Variants in ARMC2 observed in about 807,000 individuals in gnomAD.
The protein encoded by ARMC2 is armadillo repeat-containing protein 2.
ARMC2 carries 67 observed loss-of-function variants against 90.3 expected under a neutral mutation model. The ratio of observed to expected loss-of-function variants is 0.74; its 90% CI spans 0.61 to 0.91. The LOEUF (loss-of-function observed/expected upper bound fraction) is 0.91, where lower values mean the gene tolerates loss of function less well. Ranked by LOEUF, ARMC2 falls within the 40% of genes least tolerant of loss-of-function variation. The pLI, the probability that ARMC2 is intolerant of heterozygous loss-of-function variation, is 0.00. For synonymous variants in ARMC2, 393 were observed against 393.0 expected, an observed-to-expected ratio of 1.00 and a Z score of 0.00; for missense variants, 920 against 1,030.9, an observed-to-expected ratio of 0.89 and a Z score of 1.47.
At chr6:108,870,462 G>A (rs1776265600) in intron 4 of ARMC2, among the ~76,000 whole-genome samples, 1 of 151,418 alleles carries the variant, frequency 6.6e-6, no homozygotes, top group Non-Finnish European at 1.5e-5. Flanking sequence ...TCCCTGATGT[G>A]GCTGAAGAGT....
chr6:108,990,469 G>GA, the ARMC2 span, among the ~76,000 whole-genome samples: 11 of 152,186 alleles, frequency 7.2e-5, no homozygotes, highest in Non-Finnish European at 1.5e-4. Flanking sequence ...GGAAAGAGAA[G>GA]AAAAAACTAA....
the ARMC2 span, among the ~76,000 whole-genome samples, chr6:109,052,416 CAAAG>C: frequency 6.6e-6 from 1 of 152,114 alleles, no homozygotes; most frequent in Non-Finnish European, 1.5e-5. Context: ...TCCTACCACT[CAAAG>C]AAAGCCACTG....
At chr6:108,903,975 A>C (rs964107682) in intron 7 of ARMC2, among the ~76,000 whole-genome samples, 2 of 152,148 alleles carry the variant, frequency 1.3e-5, no homozygotes, top group Non-Finnish European at 2.9e-5. Flanking sequence ...ATTCTTCAAT[A>C]CCTCTTTGAA....
rs146089928 is a variant in ARMC2 at position 108,857,731 on chromosome 6, A to G, written c.219-468A>G. 8.5e-5 allele frequency among the ~76,000 whole-genome samples: 13 copies of G among 152,134 alleles called. No individual in the cohort carries two copies. The East Asian group carries it at 2.5e-3, about 29-fold the overall frequency. ...GGATTTTGCCAAATGCTTTTTCTGT[A>G]TCTGCTGATATGTATTCTCTTTAGC... On this transcript the variant is annotated intron_variant, in intron 2 of 17. Transcript: ENST00000392644.
At chr6:109,003,623 C>T in the ARMC2 span, among the ~76,000 whole-genome samples, 7 of 152,178 alleles carry the variant, frequency 4.6e-5, no homozygotes, top group African/African-American at 1.4e-4. Flanking sequence ...GTTAGTCCAT[C>T]CTTACACTGA....
intron 10 of ARMC2, among the ~76,000 whole-genome samples, chr6:108,917,179 A>G (rs1350440631): frequency 2.0e-5 from 3 of 152,038 alleles, no homozygotes; most frequent in Admixed American, 1.3e-4. Context: ...CTTTAGATAT[A>G]CTGTTTTTGA....
intron 5 of ARMC2, among the ~76,000 whole-genome samples, chr6:108,885,924 A>T (rs574951764): frequency 6.6e-6 from 1 of 152,348 alleles, no homozygotes; most frequent in South Asian, 2.1e-4. Flanking sequence ...AGCCACACTC[A>T]TCTTTTACCT....
At chr6:108,985,224 A>G in the ARMC2 span, among the ~76,000 whole-genome samples, 61 of 152,292 alleles carry the variant, frequency 4.0e-4, 1 homozygote, top group African/African-American at 9.9e-4. Context: ...ATCAAAATCA[A>G]TCTCATTCTT....
the ARMC2 span, among the ~76,000 whole-genome samples, chr6:109,023,301 C>A: frequency 9.9e-5 from 15 of 152,174 alleles, no homozygotes; most frequent in Non-Finnish European, 2.2e-4. Flanking sequence ...ATTAAGGACA[C>A]ATTATCATAA....
At chr6:109,023,834 T>C in the ARMC2 span, among the ~76,000 whole-genome samples, 1 of 150,060 alleles carries the variant, frequency 6.7e-6, no homozygotes, top group South Asian at 2.2e-4. Context: ...AGACTTACAT[T>C]GTCAAATAAT....
intron 1 of ARMC2, among the ~76,000 whole-genome samples, chr6:108,850,828 G>A (rs767571134): frequency 1.3e-5 from 2 of 152,146 alleles, no homozygotes; most frequent in Non-Finnish European, 2.9e-5. Flanking sequence ...ACATGTACAG[G>A]GAATTCTAAC....
chr6:108,890,388 T>A lies in ARMC2; in HGVS notation c.672-4079T>A, dbSNP rs146991282. 2.0e-3 allele frequency among the ~76,000 whole-genome samples: 307 copies of A among 151,976 alleles called. 4 individuals are homozygous for A. The highest frequency in any genetic ancestry group is 7.2e-3 in the African/African-American group (297 of 41,396). ...TAATCTGTTTATTAAGTTCTTCCAG[T>A]GTCAGTCAGTGTACTAAGCAGAGTC... On this transcript the variant is annotated intron_variant, in intron 5 of 17. Coordinates refer to ENST00000392644, the MANE Select transcript of ARMC2 (RefSeq NM_032131.6).
At chr6:109,005,465 C>A in the ARMC2 span, among the ~76,000 whole-genome samples, 3 of 152,142 alleles carry the variant, frequency 2.0e-5, no homozygotes, top group African/African-American at 4.8e-5. Context: ...ATTGACAGCA[C>A]ATAGGTTTAG....
intron 10 of ARMC2, chr6:108,923,956 C>G (rs1774858295): frequency 6.6e-6 from 1 of 152,274 alleles, no homozygotes; most frequent in Non-Finnish European, 1.5e-5. Context: ...ATTCACTCTT[C>G]CAGCCCTCCA....
At chr6:108,954,651 A>G (rs1177213136) in intron 13 of ARMC2, among the ~76,000 whole-genome samples, 26 of 152,120 alleles carry the variant, frequency 1.7e-4, no homozygotes, top group Admixed American at 1.7e-3. Flanking sequence ...ACTACTAACC[A>G]TACTTGTGGA....
At chr6:108,930,050 C>T (rs1343481386) in intron 11 of ARMC2, among the ~76,000 whole-genome samples, 1 of 151,434 alleles carries the variant, frequency 6.6e-6, no homozygotes, top group African/African-American at 2.4e-5. Flanking sequence ...TTGCTTGAGT[C>T]TGGAAGGTGG....
chr6:108,999,689 T>C, the ARMC2 span, among the ~76,000 whole-genome samples: 1 of 152,174 alleles, frequency 6.6e-6, no homozygotes, highest in Non-Finnish European at 1.5e-5. Context: ...TGCAAACTGA[T>C]ACTGCCCTTT....
chr6:108,917,011 G>A (rs1228455282), intron 10 of ARMC2, among the ~76,000 whole-genome samples: 2 of 152,136 alleles, frequency 1.3e-5, no homozygotes, highest in African/African-American at 2.4e-5. Context: ...TAACAGCTAG[G>A]TAATTTATAG....
chr6:108,877,252 C>CACGTTAGAT (rs1777028467), intron 5 of ARMC2, among the ~76,000 whole-genome samples: 1 of 152,208 alleles, frequency 6.6e-6, no homozygotes, highest in East Asian at 1.9e-4. Context: ...TTCTTACACT[C>CACGTTAGAT]ACGTTAGATT....
Sources: gnomAD v4.1 joint callset for allele counts (sites outside exome capture counted in the v4.1 genomes callset) on GRCh38, gnomAD v4.1.1 for gene constraint, MANE v1.5 for transcripts, NCBI Gene and HGNC (gene_info 2026-07-23, HGNC 2026-07-21) for gene names.